ACAD9: variants seen among roughly 807,000 people sequenced by gnomAD.
ACAD9 encodes the protein acyl-CoA dehydrogenase family member 9, also known as complex I assembly factor ACAD9, mitochondrial.
A neutral mutation model predicts 70.2 loss-of-function variants in ACAD9; 53 were observed. The observed-to-expected ratio is 0.75, with a 90% CI of 0.61 to 0.95. The LOEUF is 0.95. Among genes scored for constraint, ACAD9 ranks in the 40% least tolerant of loss-of-function variants. The pLI is 0.00. For missense variants in ACAD9, 777 were observed against 802.8 expected (o/e 0.97, Z 0.39); for synonymous variants, 313 against 312.1 (o/e 1.00, Z -0.03).
chr3:128,889,519 T>G (rs970559949), intron 2 of ACAD9, among the ~76,000 whole-genome samples: 1 of 152,244 alleles, frequency 6.6e-6, no homozygotes, highest in Non-Finnish European at 1.5e-5. Context: ...CGTCAAAGTT[T>G]CCTTGTGCCT....
At position 128,899,378 on chromosome 3, in the gene ACAD9, T is replaced by TCA; in HGVS notation, c.728_729dup (p.Ala244GlnfsTer4). On this transcript the variant is annotated frameshift_variant, in exon 7 of 18. Coordinates refer to ENST00000308982, the MANE Select transcript of ACAD9 (RefSeq NM_014049.5). LOFTEE classifies it high-confidence loss of function. ...TCTGATGGATCAGTGAAAGACAAAA[T>TCA]CACAGCATTCATAGTAGAAAGAGAC... 1 of 1,614,250 alleles carries TCA rather than the reference T, an allele frequency of 6.2e-7. No homozygotes were observed. Among genetic ancestry groups the TCA allele is most frequent in the Non-Finnish European group, 8.5e-7 (1 of 1,180,040 alleles).
intron 2 of ACAD9, among the ~76,000 whole-genome samples, chr3:128,891,180 A>G (rs565728869): frequency 1.1e-4 from 17 of 152,182 alleles, no homozygotes; most frequent in Non-Finnish European, 2.1e-4. Flanking sequence ...GTAGTTACCC[A>G]TGTAGTTACT....
chr3:128,900,413 A>AT (rs1416376517), intron 7 of ACAD9, among the ~76,000 whole-genome samples: 1 of 149,926 alleles, frequency 6.7e-6, no homozygotes, highest in Admixed American at 6.6e-5. Flanking sequence ...AATTTTTTCT[A>AT]TTTTTTAGTG....
intron 11 of ACAD9, 120 bp from the exon 12 acceptor site, chr3:128,906,001 C>CAA (rs1935876769): frequency 7.2e-7 from 1 of 1,398,512 alleles, no homozygotes; most frequent in Admixed American, 1.7e-5. Flanking sequence ...CATCACCCCT[C>CAA]AAGTTCCTCC....
chr3:128,883,073 G>GTTTTTTTTTTTTTTTTTTTTTTTTT (rs58094285), intron 1 of ACAD9, among the ~76,000 whole-genome samples: 1 of 139,098 alleles, frequency 7.2e-6, no homozygotes, highest in Non-Finnish European at 1.6e-5. Context: ...CCATCAGCTT[G>GTTTTTTTTTTTTTTTTTTTTTTTTT]TTTTTTTTTT....
At position 128,879,622 on chromosome 3, in the gene ACAD9, C is replaced by G. The variant is rs1015389949; in HGVS notation, c.-70C>G. 8 of 1,555,886 alleles carry G rather than the reference C, an allele frequency of 5.1e-6. No homozygotes were observed. The East Asian group carries it at 1.2e-4, about 23-fold the overall frequency. On this transcript the variant is annotated 5_prime_UTR_variant, in exon 1 of 18. In the 5' UTR this introduces an upstream ATG that the reference lacks. Transcript: ENST00000308982. Reference sequence around the variant, plus strand: ...CGTTGTCGCGGGCCAGTAACGTCATCAGACGTGTGTGTGTCCCTGCGGCGC... The same window carrying G: ...CGTTGTCGCGGGCCAGTAACGTCATGAGACGTGTGTGTGTCCCTGCGGCGC...
At position 128,885,356 on chromosome 3, in the gene ACAD9, A is replaced by T. The variant is rs569715075; in HGVS notation, c.244+610A>T. Among the ~76,000 whole-genome samples the T allele has an allele frequency of 3.0e-3, 464 of 152,244 alleles. 2 individuals carry two copies. Among genetic ancestry groups the T allele is most frequent in the African/African-American group, 0.011 (443 of 41,546 alleles). Reference sequence around the variant, plus strand: ...GCTTTTGTTTATATGAATTTTATCTATCAATATTTGCCATCTTAGGGGTTA... The same window carrying T: ...GCTTTTGTTTATATGAATTTTATCTTTCAATATTTGCCATCTTAGGGGTTA... On this transcript the variant is annotated intron_variant, in intron 2 of 17. Transcript: ENST00000308982.
rs538649389 is a variant in ACAD9, at chr3:128,897,316, G to A, written c.555-316G>A. On this transcript the variant is annotated intron_variant, in intron 5 of 17. Coordinates refer to ENST00000308982, the MANE Select transcript of ACAD9 (RefSeq NM_014049.5). ...TCTGCCTCAGCCTCCCGAGTAGCTG[G>A]GACTACAGGCATGCCCCACCACACC... Among the ~76,000 whole-genome samples the A allele has an allele frequency of 3.9e-5, 6 of 152,186 alleles. No individual in the cohort carries two copies. In the South Asian group the frequency reaches 1.2e-3, roughly 32 times the overall value.
In ACAD9 at chr3:128,901,302, A is replaced by G; in HGVS notation, c.835A>G (p.Lys279Glu). 6.2e-7 allele frequency: 1 copy of G among 1,614,162 alleles called. No individual in the cohort carries two copies. Among genetic ancestry groups the G allele is most frequent in the Non-Finnish European group, 8.5e-7 (1 of 1,180,020 alleles). ...NTCEVHFENTKIPVENILGEV... is the reference protein window; with the variant it reads ...NTCEVHFENTEIPVENILGEV... ...TTGTGAAGTCCATTTTGAAAACACC[A>G]AGATACCTGTGGAAAACATCCTTGG... is the stretch of plus-strand genomic sequence containing the variant. The change falls in exon 8 of 18, where the codon AAG (lysine) becomes GAG (glutamate). Residue 279 changes from lysine to glutamate, a missense_variant. Lys to Glu is a moderately conservative substitution (Grantham distance 56). Transcript: ENST00000308982.
At position 128,902,769 on chromosome 3, in the gene ACAD9, T is replaced by C. The variant is rs935753754; in HGVS notation, c.958+141T>C. The C allele has an allele frequency of 1.0e-6, 1 of 955,500 alleles. No individual in the cohort carries two copies. The highest frequency in any genetic ancestry group is 1.6e-5 in the African/African-American group (1 of 61,478). 59.2% of individuals were successfully genotyped at this position (955,500 alleles called of 1,614,324 possible). A position where few individuals can be genotyped will look rare whatever the true frequency, so the allele number is the denominator to read the frequency against. On this transcript the variant is annotated intron_variant, in intron 9 of 17. Coordinates refer to ENST00000308982, the MANE Select transcript of ACAD9 (RefSeq NM_014049.5). The surrounding 1 kb of genome is among the most constrained non-coding windows in gnomAD (Gnocchi z 4.0). ...AGCCTGAGCTCAGTCCCTGGGCTTT[T>C]GTGGAGACCAGAGGGTCTCCTCAGC... is the stretch of plus-strand genomic sequence containing the variant.
intron 12 of ACAD9, among the ~76,000 whole-genome samples, chr3:128,906,911 A>G (rs1435940891): frequency 6.6e-6 from 1 of 152,212 alleles, no homozygotes; most frequent in African/African-American, 2.4e-5. Context: ...GTCTTTAAGC[A>G]GGGCATTATT....
intron 15 of ACAD9, 27 bp downstream of exon 15, chr3:128,909,448 C>T (rs540895033): frequency 4.4e-5 from 71 of 1,609,882 alleles, no homozygotes; most frequent in South Asian, 1.4e-4. Context: ...AGGCCTGGGT[C>T]GCAAGCGGTC....
At chr3:128,892,202 A>G (rs1409078777) in intron 2 of ACAD9, among the ~76,000 whole-genome samples, 1 of 152,230 alleles carries the variant, frequency 6.6e-6, no homozygotes, top group Non-Finnish European at 1.5e-5. Context: ...CTCGATTGTC[A>G]TGTTTTCACT....
chr3:128,879,684 C>G lies in ACAD9; in HGVS notation c.-8C>G, dbSNP rs764419889. The G allele has an allele frequency of 1.2e-6, 2 of 1,612,266 alleles. No individual in the cohort carries two copies. Among genetic ancestry groups the G allele is most frequent in the Non-Finnish European group, 1.7e-6 (2 of 1,179,888 alleles). On this transcript the variant is annotated 5_prime_UTR_variant, in exon 1 of 18. It adds an upstream start codon to the 5' untranslated region. Transcript: ENST00000308982. ...GACTGAGGCTGAGGCTGGGGAACATCGGGCAGCATGAGCGGCTGCGGGCTC... is the reference window on the plus strand; with the variant it reads ...GACTGAGGCTGAGGCTGGGGAACATGGGGCAGCATGAGCGGCTGCGGGCTC...
intron 2 of ACAD9, 111 bp from the exon 3 acceptor site, chr3:128,893,444 A>G (rs1935478598): frequency 8.9e-6 from 8 of 902,180 alleles, no homozygotes; most frequent in African/African-American, 1.7e-5. Flanking sequence ...TAGTTTTGAA[A>G]AAGTTTCTAC....
intron 4 of ACAD9, 105 bp downstream of exon 4, chr3:128,895,521 T>C (rs1935546665): frequency 1.9e-6 from 2 of 1,051,928 alleles, no homozygotes; most frequent in African/African-American, 1.6e-5. Context: ...GCCTGATATC[T>C]GACCTTCAGC....
At chr3:128,898,232 A>C (rs1377517984) in intron 6 of ACAD9, among the ~76,000 whole-genome samples, 1 of 151,876 alleles carries the variant, frequency 6.6e-6, no homozygotes, top group Non-Finnish European at 1.5e-5. Flanking sequence ...GCTGGCCCTA[A>C]CTCCGGCAGT....
chr3:128,880,086 G>A, intron 1 of ACAD9: 1 of 1,437,156 alleles, frequency 7.0e-7, no homozygotes, highest in Non-Finnish European at 9.3e-7. Flanking sequence ...AATTTTGTCA[G>A]GGGAATTCGG....
At chr3:128,909,487 A>G in intron 15 of ACAD9, 66 bp downstream of exon 15, 1 of 1,500,912 alleles carries the variant, frequency 6.7e-7, no homozygotes, top group Non-Finnish European at 9.2e-7. Flanking sequence ...TCATGAGACT[A>G]CTTTTTGTCA....
Sources: gnomAD v4.1 joint callset for allele counts (sites outside exome capture counted in the v4.1 genomes callset) on GRCh38, gnomAD v4.1.1 for gene constraint, Gnocchi (gnomAD v3.1) non-coding constraint, MANE v1.5 for transcripts, NCBI Gene and HGNC (gene_info 2026-07-23, HGNC 2026-07-21) for gene names.